DUSP16: variants seen among roughly 807,000 people sequenced by gnomAD.
DUSP16 encodes dual specificity phosphatase 16.
Under a neutral mutation model 58.3 loss-of-function variants are expected in DUSP16, and 21 were observed. That is an observed-to-expected ratio of 0.36 (90% CI 0.26 to 0.52). The LOEUF is 0.52. DUSP16 is among the 20% of genes least tolerant of loss of function. The pLI is 0.94. For synonymous variants in DUSP16, 320 were observed against 323.8 expected (o/e 0.99, Z 0.12); for missense variants, 726 against 819.0 (o/e 0.89, Z 1.39).
chr12:12,524,397 G>C (rs1036587714), intron 1 of DUSP16, among the ~76,000 whole-genome samples: 1 of 152,218 alleles, frequency 6.6e-6, no homozygotes, highest in Non-Finnish European at 1.5e-5. Flanking sequence ...GTGCTAAATG[G>C]GTGAGGTGAG....
intron 1 of DUSP16, among the ~76,000 whole-genome samples, chr12:12,542,151 C>T (rs1228422004): frequency 2.0e-5 from 3 of 151,962 alleles, no homozygotes; most frequent in Non-Finnish European, 4.4e-5. Flanking sequence ...CCGAGGTGGG[C>T]GGATCACCTC....
intron 3 of DUSP16, among the ~76,000 whole-genome samples, chr12:12,509,263 T>A (rs1944042094): frequency 6.6e-6 from 1 of 152,230 alleles, no homozygotes; most frequent in Non-Finnish European, 1.5e-5. Flanking sequence ...TTTCCCGCCT[T>A]TAGGCTTTTG....
intron 5 of DUSP16, among the ~76,000 whole-genome samples, chr12:12,484,763 A>G (rs1199731621): frequency 2.0e-5 from 3 of 151,954 alleles, no homozygotes; most frequent in Admixed American, 2.0e-4. Flanking sequence ...CTGGGATTAC[A>G]GGTGCCCGCC....
chr12:12,487,223 T>C, intron 4 of DUSP16, 36 bp from the exon 5 acceptor site: 1 of 1,599,386 alleles, frequency 6.3e-7, no homozygotes, highest in Non-Finnish European at 8.6e-7. Context: ...AAGTGACTAA[T>C]AATATAGTAA....
intron 4 of DUSP16, among the ~76,000 whole-genome samples, chr12:12,494,692 C>G (rs1462944650): frequency 6.6e-6 from 1 of 152,024 alleles, no homozygotes; most frequent in Non-Finnish European, 1.5e-5. Flanking sequence ...GGGGTGCACT[C>G]ACTAGGTGAG....
intron 4 of DUSP16, among the ~76,000 whole-genome samples, chr12:12,499,588 G>T (rs1431508980): frequency 6.6e-6 from 1 of 152,154 alleles, no homozygotes; most frequent in East Asian, 1.9e-4. Flanking sequence ...GCTAAAGAAA[G>T]CCAGTCTGGA....
intron 3 of DUSP16, among the ~76,000 whole-genome samples, chr12:12,508,627 G>A (rs2136220834): frequency 7.1e-6 from 1 of 141,626 alleles, no homozygotes; most frequent in East Asian, 2.0e-4. Context: ...CAGACCAAGA[G>A]GAGAGTGGAT....
chr12:12,483,563 A>G (rs1426043728), intron 5 of DUSP16, among the ~76,000 whole-genome samples: 2 of 152,174 alleles, frequency 1.3e-5, no homozygotes, highest in South Asian at 2.1e-4. Flanking sequence ...ACTCAAATAC[A>G]GACAGTTTGC....
chr12:12,519,887 G>A lies in DUSP16; in HGVS notation c.342C>T (p.Ser114=). ...LTVLLGKLEK[S]FNSVHLLAGG... ...CTGCAAGCAGGTGAACAGAGTTGAAGCTCTTCTCCAGTTTACCCAGAAGTA... is the reference window on the plus strand; with the variant it reads ...CTGCAAGCAGGTGAACAGAGTTGAAACTCTTCTCCAGTTTACCCAGAAGTA... The change falls in exon 3 of 7, where the codon AGC becomes AGT. Residue 114 remains serine, a synonymous_variant. Transcript: ENST00000298573. 1.2e-6 allele frequency: 2 copies of A among 1,614,086 alleles called. No homozygotes were observed. The highest frequency in any genetic ancestry group is 2.2e-5 in the South Asian group (2 of 91,082).
intron 5 of DUSP16, chr12:12,485,318 A>C (rs1943661188): frequency 6.6e-6 from 1 of 152,038 alleles, no homozygotes; most frequent in African/African-American, 2.4e-5. Context: ...TTTGTTTGTG[A>C]TTACTTTAAT....
At chr12:12,480,399 G>T in intron 5 of DUSP16, 53 bp from the exon 6 acceptor site, 1 of 1,584,020 alleles carries the variant, frequency 6.3e-7, no homozygotes, top group South Asian at 1.2e-5. Flanking sequence ...GTTCAGCAGT[G>T]AAATCTTGTT....
At chr12:12,547,337 G>C (rs1944655606) in intron 1 of DUSP16, among the ~76,000 whole-genome samples, 1 of 151,666 alleles carries the variant, frequency 6.6e-6, no homozygotes, top group Non-Finnish European at 1.5e-5. Context: ...GCTGAGGCAG[G>C]AGAATCGCTT....
intron 1 of DUSP16, among the ~76,000 whole-genome samples, chr12:12,547,531 T>TA (rs761142479): frequency 0.034 from 2,278 of 66,536 alleles, 131 homozygotes; most frequent in East Asian, 0.088. Flanking sequence ...TGAGTAGGCT[T>TA]AAAAAAAAAA....
rs1943676345 is a variant in DUSP16, at chr12:12,486,019, T to C, written c.691+1009A>G. Among the ~76,000 whole-genome samples, 3 of 151,834 alleles carry C rather than the reference T, an allele frequency of 2.0e-5. No homozygotes were observed. In the South Asian group the frequency reaches 6.3e-4, roughly 32 times the overall value. On this transcript the variant is annotated intron_variant, in intron 5 of 6. Coordinates refer to ENST00000298573, the MANE Select transcript of DUSP16 (RefSeq NM_030640.3). Reference sequence around the variant, plus strand: ...TGTGTTAGCCAGGATGGTCTCAATCTCCTGACCTCATGATCCACCCGCCTA... The same window carrying C: ...TGTGTTAGCCAGGATGGTCTCAATCCCCTGACCTCATGATCCACCCGCCTA...
At chr12:12,525,731 T>TACACACACACACACACACAC (rs35552389) in intron 1 of DUSP16, among the ~76,000 whole-genome samples, 1 of 146,080 alleles carries the variant, frequency 6.8e-6, no homozygotes, top group Non-Finnish European at 1.5e-5. Flanking sequence ...AATATATGTA[T>TACACACACACACACACACAC]ACACACACAC....
chr12:12,493,209 C>T (rs1943785224), intron 4 of DUSP16, among the ~76,000 whole-genome samples: 1 of 152,144 alleles, frequency 6.6e-6, no homozygotes, highest in Non-Finnish European at 1.5e-5. Flanking sequence ...CTGACTCCTG[C>T]CCTTCCTACA....
chr12:12,537,361 G>A (rs532573311), intron 1 of DUSP16, among the ~76,000 whole-genome samples: 1 of 152,232 alleles, frequency 6.6e-6, no homozygotes, highest in African/African-American at 2.4e-5. Flanking sequence ...TGACAGCAAT[G>A]CTACAAGGTA....
chr12:12,475,575 C>T lies in DUSP16; in HGVS notation c.*1258G>A, dbSNP rs17378260. 0.055 allele frequency: 8,394 copies of T among 152,252 alleles called. 330 individuals are homozygous for T. Among genetic ancestry groups the T allele is most frequent in the Non-Finnish European group, 0.088 (5,994 of 68,016 alleles). The allele number at this position is 152,252 out of a possible 1,614,324, so 9.4% of individuals were successfully genotyped here. On this transcript the variant is annotated 3_prime_UTR_variant, in exon 7 of 7. Coordinates refer to ENST00000298573, the MANE Select transcript of DUSP16 (RefSeq NM_030640.3). ...CTCAACCGTTTTATTCTGAATATTC[C>T]TTCCTCACTAAAGCCTCTCTCAGCC... is the stretch of plus-strand genomic sequence containing the variant.
chr12:12,549,498 T>C (rs1944695005), intron 1 of DUSP16, among the ~76,000 whole-genome samples: 1 of 152,118 alleles, frequency 6.6e-6, no homozygotes, highest in Admixed American at 6.5e-5. Context: ...CCTATAGCTA[T>C]TTCCATAATC....
Sources: gnomAD v4.1 joint callset for allele counts (sites outside exome capture counted in the v4.1 genomes callset) on GRCh38, gnomAD v4.1.1 for gene constraint, MANE v1.5 for transcripts, NCBI Gene and HGNC (gene_info 2026-07-23, HGNC 2026-07-21) for gene names.